The following COL4A6 variants were observed in gnomAD, a reference collection of about 807,000 sequenced individuals.
COL4A6 encodes the protein collagen alpha-6(IV) chain.
In COL4A6, 59 loss-of-function variants were observed where a neutral mutation model predicts 126.7. That is an observed-to-expected ratio of 0.47 (90% CI 0.38 to 0.58). The LOEUF is 0.58. COL4A6 is among the 20% of genes least tolerant of loss of function. COL4A6 has a pLI of 0.00. For missense variants in COL4A6, 1,285 were observed against 1,337.3 expected (o/e 0.96, Z 0.61); for synonymous variants, 547 against 496.6 (o/e 1.10, Z -1.35).
At chrX:108,277,207 T>A (rs1295734449) in intron 3 of COL4A6, among the ~76,000 whole-genome samples, 1 of 111,466 alleles carries the variant, frequency 9.0e-6, no homozygotes, top group Non-Finnish European at 1.9e-5. Flanking sequence ...TCGGGAAGCG[T>A]AAGGGGTCAG....
chrX:108,169,595 C>A lies in COL4A6; in HGVS notation c.3591G>T (p.Gly1197=). 7 of 1,210,562 alleles carry A rather than the reference C, an allele frequency of 5.8e-6. No individual in the cohort carries two copies. The highest frequency in any genetic ancestry group is 7.8e-6 in the Non-Finnish European group (7 of 895,043). Residue 1197 remains glycine, a synonymous_variant, in exon 37 of 45, where the codon GGG becomes GGT. Transcript: ENST00000334504. ...CTTTGGGTCCAGGGAGACCAGCAGG[C>A]CCAGGCACACCGGTGATACTAGGTC... The part of the protein sequence containing the change: ...TPGPSITGVP[G]PAGLPGPKGE...
At chrX:108,338,057 C>A (rs763694872) in intron 2 of COL4A6, among the ~76,000 whole-genome samples, 1 of 110,750 alleles carries the variant, frequency 9.0e-6, no homozygotes, top group East Asian at 2.9e-4. Context: ...TGTTCCTAAC[C>A]CTGAGAACAA....
At chrX:108,420,903 C>T (rs2063972256) in intron 2 of COL4A6, among the ~76,000 whole-genome samples, 1 of 111,921 alleles carries the variant, frequency 8.9e-6, no homozygotes, top group African/African-American at 3.2e-5. Flanking sequence ...GCTGAATAAA[C>T]AAGCAGGGGA....
chrX:108,176,352 C>T (rs1220729420), intron 28 of COL4A6, among the ~76,000 whole-genome samples: 4 of 105,489 alleles, frequency 3.8e-5, no homozygotes, highest in African/African-American at 1.1e-4. Context: ...TATGATTCAC[C>T]GAGTTATAGC....
intron 42 of COL4A6, 32 bp downstream of exon 42, chrX:108,161,587 C>G (rs2033938335): frequency 1.9e-6 from 1 of 521,988 alleles, no homozygotes; most frequent in African/African-American, 2.5e-5. Context: ...CCATCCCCGC[C>G]CCGCCCGCCT....
At chrX:108,201,240 G>A (rs2035382766) in intron 13 of COL4A6, among the ~76,000 whole-genome samples, 1 of 111,704 alleles carries the variant, frequency 9.0e-6, no homozygotes, top group Admixed American at 9.5e-5. Context: ...CACTGGCCCA[G>A]CAAGCACAGG....
intron 3 of COL4A6, among the ~76,000 whole-genome samples, chrX:108,227,288 A>G (rs1171494219): frequency 8.9e-6 from 1 of 112,217 alleles, no homozygotes; most frequent in East Asian, 2.8e-4. Context: ...TGGCCCAGGT[A>G]CAGCAGTATC....
intron 2 of COL4A6, among the ~76,000 whole-genome samples, chrX:108,412,290 C>T (rs1169967755): frequency 1.8e-5 from 2 of 111,956 alleles, no homozygotes; most frequent in African/African-American, 6.5e-5. Flanking sequence ...GAGAATATGG[C>T]ACAACATAGG....
intron 2 of COL4A6, among the ~76,000 whole-genome samples, chrX:108,332,616 T>A (rs1439937494): frequency 1.8e-5 from 2 of 112,236 alleles, no homozygotes; most frequent in Non-Finnish European, 3.8e-5. Context: ...GTTGGGCATG[T>A]TTTCATGTTT....
chrX:108,199,953 C>T (rs1331050408), intron 13 of COL4A6, among the ~76,000 whole-genome samples: 1 of 111,876 alleles, frequency 8.9e-6, no homozygotes, highest in African/African-American at 3.3e-5. Context: ...TAATTAGCTG[C>T]GTGATTCTGG....
intron 2 of COL4A6, among the ~76,000 whole-genome samples, chrX:108,403,220 T>C (rs912224472): frequency 2.9e-5 from 3 of 102,179 alleles, no homozygotes; most frequent in Non-Finnish European, 5.9e-5. Flanking sequence ...ACAATGTATC[T>C]ATGCAAAGAT....
intron 44 of COL4A6, among the ~76,000 whole-genome samples, chrX:108,158,395 A>T (rs779668086): frequency 1.3e-4 from 15 of 112,832 alleles, no homozygotes; most frequent in Admixed American, 9.4e-4. Context: ...CAGGAATAAT[A>T]TTCTAGTATG....
At chrX:108,312,400 A>T (rs1296755004) in intron 2 of COL4A6, among the ~76,000 whole-genome samples, 1 of 112,201 alleles carries the variant, frequency 8.9e-6, no homozygotes, top group African/African-American at 3.2e-5. Context: ...TATCTCTCTT[A>T]TAAGCCCTTG....
rs755489405 is a variant in COL4A6, at chrX:108,194,574, G to T, written c.962C>A (p.Thr321Asn). Reference sequence around the variant, plus strand: ...TCCATTAAGCCCAGGAAATCCCAGGGTCCCTTTCTTGCCCTGTGACAGAAA... The same window carrying T: ...TCCATTAAGCCCAGGAAATCCCAGGTTCCCTTTCTTGCCCTGTGACAGAAA... ...GPPGQQGKKG[T>N]LGFPGLNGFQ... The change falls in exon 16 of 45, where the codon ACC becomes AAC. Residue 321 changes from threonine (T) to asparagine (N), a missense_variant. Transcript: ENST00000334504. 1 of 1,208,640 alleles carries T rather than the reference G, an allele frequency of 8.3e-7. No homozygotes were observed. Among genetic ancestry groups the T allele is most frequent in the Non-Finnish European group, 1.1e-6 (1 of 894,324 alleles).
At chrX:108,383,857 G>A (rs1430118372) in intron 2 of COL4A6, 15 of 485,501 alleles carry the variant, frequency 3.1e-5, no homozygotes, top group Non-Finnish European at 5.1e-5. Flanking sequence ...TCACATGCAT[G>A]ATATTGATGT....
intron 13 of COL4A6, among the ~76,000 whole-genome samples, chrX:108,201,245 C>G (rs2035383011): frequency 8.9e-6 from 1 of 111,864 alleles, no homozygotes; most frequent in Admixed American, 9.5e-5. Context: ...GCCCAGCAAG[C>G]ACAGGCAGGC....
chrX:108,318,116 C>A (rs1331362239), intron 2 of COL4A6, among the ~76,000 whole-genome samples: 1 of 111,713 alleles, frequency 9.0e-6, no homozygotes, highest in Non-Finnish European at 1.9e-5. Context: ...GAACCAAAGA[C>A]AAAAACCACA....
At chrX:108,181,054 T>A in intron 23 of COL4A6, 86 bp from the exon 24 acceptor site, 1 of 817,114 alleles carries the variant, frequency 1.2e-6, no homozygotes, top group East Asian at 3.4e-5. Flanking sequence ...CTATTCCATT[T>A]AATAGGACAG....
At chrX:108,164,568 C>G (rs1163473437) in intron 40 of COL4A6, 32 bp downstream of exon 40, 1 of 1,179,848 alleles carries the variant, frequency 8.5e-7, no homozygotes, top group African/African-American at 1.8e-5. Flanking sequence ...CCCTCGAGCT[C>G]TGGATCAGCC....
Sources: gnomAD v4.1 joint callset for allele counts (sites outside exome capture counted in the v4.1 genomes callset) on GRCh38, gnomAD v4.1.1 for gene constraint, MANE v1.5 for transcripts, NCBI Gene and HGNC (gene_info 2026-07-23, HGNC 2026-07-21) for gene names.